Variants in PDE12 observed in about 807,000 individuals in gnomAD.
PDE12 encodes 2',5'-phosphodiesterase 12.
PDE12 carries 26 observed loss-of-function variants against 45.4 expected under a neutral mutation model. That is an observed-to-expected ratio of 0.57 (90% confidence interval 0.42 to 0.79). The LOEUF is 0.79. Ranked by LOEUF, PDE12 falls within the 30% of genes least tolerant of loss-of-function variation. The pLI is 0.00. For synonymous variants in PDE12, 283 were observed against 323.9 expected (o/e 0.87, Z 1.36); for missense variants, 668 against 790.0 (o/e 0.85, Z 1.85).
At chr3:57,600,327 ATTCTT>A in the PDE12 span, among the ~76,000 whole-genome samples, 34 of 150,936 alleles carry the variant, frequency 2.3e-4, no homozygotes, top group East Asian at 2.4e-3. Flanking sequence ...TCCCGGCCAA[ATTCTT>A]TTCTTTTCTC....
the PDE12 span, among the ~76,000 whole-genome samples, chr3:57,582,902 A>G: frequency 6.6e-6 from 1 of 152,196 alleles, no homozygotes; most frequent in Non-Finnish European, 1.5e-5. Context: ...CATATGTAAG[A>G]GAGTTAGATT....
At chr3:57,654,477 C>A in the PDE12 span, 1 of 318,108 alleles carries the variant, frequency 3.1e-6, no homozygotes, top group Non-Finnish European at 4.5e-6. Flanking sequence ...ACTTGTTTCT[C>A]AAGTCACAAT....
chr3:57,609,558 A>G, the PDE12 span, among the ~76,000 whole-genome samples: 41 of 152,316 alleles, frequency 2.7e-4, no homozygotes, highest in East Asian at 5.4e-3. Flanking sequence ...GGATATCACC[A>G]CCAATCCCAC....
In PDE12 at chr3:57,560,266, A is replaced by C. The variant is rs7618684; in HGVS notation, c.*262A>C. The C allele has an allele frequency of 0.34, 408,358 of 1,202,538 alleles. 73,796 individuals carry two copies. The highest frequency in any genetic ancestry group is 0.62 in the African/African-American group (39,561 of 63,376). The allele number at this position is 1,202,538 out of a possible 1,614,324, so 74.5% of individuals were successfully genotyped here. On this transcript the variant is annotated 3_prime_UTR_variant, in exon 3 of 3. Transcript: ENST00000311180. The stretch of plus-strand genomic sequence containing the variant: ...AGAAAATTGAATTATTTTTCTCCAA[A>C]TTGAGACTCTCAGAAAAGGAAGATT...
chr3:57,602,430 C>A, the PDE12 span, among the ~76,000 whole-genome samples: 1 of 152,166 alleles, frequency 6.6e-6, no homozygotes, highest in African/African-American at 2.4e-5. Context: ...TCTTGTCCAC[C>A]CACTTTCCCT....
At chr3:57,623,274 CAAAA>C in the PDE12 span, among the ~76,000 whole-genome samples, 2 of 151,882 alleles carry the variant, frequency 1.3e-5, no homozygotes, top group Admixed American at 6.6e-5. Context: ...AACAAACAAA[CAAAA>C]AACTGATTTG....
the PDE12 span, among the ~76,000 whole-genome samples, chr3:57,582,904 AG>A: frequency 6.6e-6 from 1 of 152,302 alleles, no homozygotes; most frequent in African/African-American, 2.4e-5. Flanking sequence ...TATGTAAGAG[AG>A]TTAGATTAGA....
Position 57,557,619 on chromosome 3 carries a change from C to T in PDE12, c.1240C>T (p.Leu414=), listed in dbSNP as rs747358272. The T allele has an allele frequency of 6.2e-7, 1 of 1,614,148 alleles. No individual in the cohort carries two copies. The highest frequency in any genetic ancestry group is 1.7e-5 in the Admixed American group (1 of 60,016). Residue 414 remains leucine, a synonymous_variant, in exon 1 of 3, where the codon CTG becomes TTG. Coordinates refer to ENST00000311180, the MANE Select transcript of PDE12 (RefSeq NM_177966.7). ...CGAGTCCGACCCACTTCACAAAGAA[C>T]TGCTGGAGAAACTAGTTTTGTACCC... is the stretch of plus-strand genomic sequence containing the variant. ...ALESDPLHKE[L]LEKLVLYPSA...
chr3:57,575,274 ATCT>A, the PDE12 span, among the ~76,000 whole-genome samples: 3 of 150,308 alleles, frequency 2.0e-5, no homozygotes, highest in Admixed American at 2.0e-4. Flanking sequence ...ACTATCAATA[ATCT>A]TCTTTCCATT....
chr3:57,616,646 G>C, the PDE12 span, among the ~76,000 whole-genome samples: 1 of 152,180 alleles, frequency 6.6e-6, no homozygotes, highest in Non-Finnish European at 1.5e-5. Flanking sequence ...AGACTTTTAA[G>C]GAAGACATAA....
intron 1 of PDE12, among the ~76,000 whole-genome samples, chr3:57,557,964 T>C (rs909997014): frequency 6.6e-6 from 1 of 152,228 alleles, no homozygotes; most frequent in Non-Finnish European, 1.5e-5. Context: ...ACACGCTAAA[T>C]GCAAGAACAA....
At position 57,560,931 on chromosome 3, in the gene PDE12, A is replaced by G. The variant is rs1032515230; in HGVS notation, c.*927A>G. The G allele has an allele frequency of 3.8e-5, 37 of 982,564 alleles. No homozygotes were observed. Among genetic ancestry groups the G allele is most frequent in the Non-Finnish European group, 4.4e-5 (36 of 827,054 alleles). The allele number at this position is 982,564 out of a possible 1,614,324, so 60.9% of individuals were successfully genotyped here. A position where few individuals can be genotyped will look rare whatever the true frequency, so the allele number is the denominator to read the frequency against. On this transcript the variant is annotated 3_prime_UTR_variant, in exon 3 of 3. Transcript: ENST00000311180. Reference sequence around the variant, plus strand: ...AAAAGATAAAAATAAATCGTCACCAATTGTTATTGCTTCTCATCTTTCATT... The same window carrying G: ...AAAAGATAAAAATAAATCGTCACCAGTTGTTATTGCTTCTCATCTTTCATT...
the PDE12 span, among the ~76,000 whole-genome samples, chr3:57,605,805 AT>A: frequency 6.6e-6 from 1 of 152,182 alleles, no homozygotes; most frequent in African/African-American, 2.4e-5. Flanking sequence ...CATGTAAGAT[AT>A]TTTTAAAAGA....
chr3:57,558,553 C>G (rs2153407430), intron 1 of PDE12, among the ~76,000 whole-genome samples: 1 of 152,220 alleles, frequency 6.6e-6, no homozygotes, highest in East Asian at 1.9e-4. Flanking sequence ...TACGGTGGCG[C>G]GATATCGGCT....
the PDE12 span, among the ~76,000 whole-genome samples, chr3:57,578,786 A>G: frequency 6.6e-6 from 1 of 152,102 alleles, no homozygotes; most frequent in Non-Finnish European, 1.5e-5. Flanking sequence ...GCCCATTATT[A>G]GAATTCTATA....
At chr3:57,641,868 A>C in the PDE12 span, 3 of 687,280 alleles carry the variant, frequency 4.4e-6, no homozygotes. Context: ...TCCTTTATTC[A>C]ACACATTACA....
the PDE12 span, chr3:57,645,814 A>G: frequency 3.9e-6 from 5 of 1,286,874 alleles, no homozygotes; most frequent in Admixed American, 7.6e-5. Flanking sequence ...GTCCTAATCT[A>G]TAACTAGAAA....
Position 57,562,954 on chromosome 3 carries a change from C to G in PDE12, c.*2950C>G, listed in dbSNP as rs2069741994. The G allele has an allele frequency of 6.6e-6, 1 of 152,080 alleles. No homozygotes were observed. The highest frequency in any genetic ancestry group is 2.4e-5 in the African/African-American group (1 of 41,394). 9.4% of individuals were successfully genotyped at this position (152,080 alleles called of 1,614,324 possible). ...AGTCTGGAGATAGATTTCTGAGGAG[C>G]CTAATACAAGGGAGAGAATGTCCAA... On this transcript the variant is annotated 3_prime_UTR_variant, in exon 3 of 3. Transcript: ENST00000311180.
chr3:57,566,249 T>G lies in PDE12; in HGVS notation c.*6245T>G, dbSNP rs2069785919. ...TTCATATAAATTGAATCATAATTTATGTAGTCTTTTGTGACTGGCTTCTTT... is the reference window on the plus strand; with the variant it reads ...TTCATATAAATTGAATCATAATTTAGGTAGTCTTTTGTGACTGGCTTCTTT... On this transcript the variant is annotated 3_prime_UTR_variant, in exon 3 of 3. Coordinates refer to ENST00000311180, the MANE Select transcript of PDE12 (RefSeq NM_177966.7). 1.3e-5 allele frequency: 2 copies of G among 152,242 alleles called. No individual in the cohort carries two copies. The highest frequency in any genetic ancestry group is 1.3e-4 in the Admixed American group (2 of 15,272). 9.4% of individuals were successfully genotyped at this position (152,242 alleles called of 1,614,324 possible).
Sources: gnomAD v4.1 joint callset for allele counts (sites outside exome capture counted in the v4.1 genomes callset) on GRCh38, gnomAD v4.1.1 for gene constraint, MANE v1.5 for transcripts, NCBI Gene and HGNC (gene_info 2026-07-23, HGNC 2026-07-21) for gene names.